FAM151A: variants seen among roughly 807,000 people sequenced by gnomAD.
FAM151A encodes the protein family with sequence similarity 151 member A, also known as protein FAM151A.
A neutral mutation model predicts 40.4 loss-of-function variants in FAM151A; 41 were observed. The observed-to-expected ratio is 1.01, with a 90% CI of 0.79 to 1.32. FAM151A has a LOEUF of 1.32. Ranked by LOEUF, FAM151A falls within the 40% of genes most tolerant of loss-of-function variation. The probability of loss-of-function intolerance (pLI) is 0.00; values close to 1 mark genes in which losing one functional copy is unlikely to be tolerated. For synonymous variants in FAM151A, 337 were observed against 312.5 expected (o/e 1.08, Z -0.83); for missense variants, 740 against 740.4 (o/e 1.00, Z 0.01).
In FAM151A at chr1:54,613,754, T is replaced by C. The variant is rs368094206; in HGVS notation, c.575+946A>G. On this transcript the variant is annotated intron_variant, in intron 4 of 7. Transcript: ENST00000302250. ...TAGCACTCCAGGAAGACAGGTCATATTTATCTTGGGCCATTGATTACATTT... is the reference window on the plus strand; with the variant it reads ...TAGCACTCCAGGAAGACAGGTCATACTTATCTTGGGCCATTGATTACATTT... 3.3e-5 allele frequency among the ~76,000 whole-genome samples: 5 copies of C among 152,312 alleles called. No individual in the cohort carries two copies. In the East Asian group the frequency reaches 5.8e-4, roughly 18 times the overall value.
intron 2 of FAM151A, among the ~76,000 whole-genome samples, chr1:54,616,899 T>C (rs1250437945): frequency 1.3e-5 from 2 of 152,156 alleles, no homozygotes; most frequent in East Asian, 3.9e-4. Flanking sequence ...TTGCTATTAG[T>C]CTTGCTATGT....
Position 54,620,845 on chromosome 1 carries a change from CAAAAAAAAA to C in FAM151A, c.119-847_119-839del, listed in dbSNP as rs767625864. Reference sequence around the variant, plus strand: ...CCTGGATGACACAAAGAGACTCTGTCAAAAAAAAAAAAAAAAAAAAAAAAAAAAAAAAGG... The same window carrying C: ...CCTGGATGACACAAAGAGACTCTGTCAAAAAAAAAAAAAAAAAAAAAAAGG... On this transcript the variant is annotated intron_variant, in intron 1 of 7. Coordinates refer to ENST00000302250, the MANE Select transcript of FAM151A (RefSeq NM_176782.3). Among the ~76,000 whole-genome samples, 62 of 12,122 alleles carry C rather than the reference CAAAAAAAAA, an allele frequency of 5.1e-3. 1 individual carries two copies. In the East Asian group the frequency reaches 0.085, roughly 17 times the overall value. The allele number at this position is 12,122 out of a possible 152,430, so 8.0% of individuals were successfully genotyped here. A position where few individuals can be genotyped will look rare whatever the true frequency, so the allele number is the denominator to read the frequency against.
rs1208526860 is a variant in FAM151A at position 54,614,937 on chromosome 1, C to T, written c.416-78G>A. ...ATGACTCCCTGGGCAGAAAGCAGAG[C>T]GGGTGTGTGTGTGTGTGCATGTGCG... On this transcript the variant is annotated intron_variant, in intron 3 of 7. Coordinates refer to ENST00000302250, the MANE Select transcript of FAM151A (RefSeq NM_176782.3). 44 of 1,029,104 alleles carry T rather than the reference C, an allele frequency of 4.3e-5. 1 individual carries two copies. The South Asian group carries it at 4.7e-4, about 11-fold the overall frequency. The allele number at this position is 1,029,104 out of a possible 1,614,324, so 63.7% of individuals were successfully genotyped here.
At chr1:54,620,701 G>A (rs12760859) in intron 1 of FAM151A, among the ~76,000 whole-genome samples, 5 of 145,790 alleles carry the variant, frequency 3.4e-5, no homozygotes, top group Admixed American at 1.4e-4. Flanking sequence ...AAAAATTAGC[G>A]GGATGGACGT....
intron 6 of FAM151A, 44 bp from the exon 7 acceptor site, chr1:54,610,599 A>G (rs2101013552): frequency 1.3e-6 from 2 of 1,594,852 alleles, no homozygotes; most frequent in Non-Finnish European, 1.7e-6. Flanking sequence ...TGCCATTCAC[A>G]GAACACCTTA....
chr1:54,619,353 A>G (rs554079711), intron 2 of FAM151A, among the ~76,000 whole-genome samples: 6 of 152,294 alleles, frequency 3.9e-5, no homozygotes, highest in South Asian at 4.1e-4. Context: ...CTGGGCTCCA[A>G]TGTTGGCTTA....
At chr1:54,613,160 AC>A (rs1410868221) in intron 4 of FAM151A, among the ~76,000 whole-genome samples, 1 of 151,696 alleles carries the variant, frequency 6.6e-6, no homozygotes, top group Non-Finnish European at 1.5e-5. Flanking sequence ...CAGGTGAATC[AC>A]CTGAGGTTGG....
At position 54,609,961 on chromosome 1, in the gene FAM151A, C is replaced by G; in HGVS notation, c.1085-20G>C. The stretch of plus-strand genomic sequence containing the variant: ...CTGTGTCTGGAAGAGGCGGCAGAGG[C>G]AACAGTGTTTAGGATTTGGGTTATC... On this transcript the variant is annotated intron_variant, in intron 7 of 7. Coordinates refer to ENST00000302250, the MANE Select transcript of FAM151A (RefSeq NM_176782.3). 1 of 1,592,618 alleles carries G rather than the reference C, an allele frequency of 6.3e-7. No homozygotes were observed. The highest frequency in any genetic ancestry group is 8.5e-7 in the Non-Finnish European group (1 of 1,174,308).
At chr1:54,623,163 GC>G in intron 1 of FAM151A, 114 bp downstream of exon 1, 4 of 708,492 alleles carry the variant, frequency 5.6e-6, no homozygotes, top group Non-Finnish European at 9.6e-6. Context: ...GGCAACAAGA[GC>G]AAAACTCCGT....
chr1:54,610,982 C>A, intron 6 of FAM151A: 1 of 985,322 alleles, frequency 1.0e-6, no homozygotes. Flanking sequence ...ATTAGAGTAA[C>A]CAGCAGTGGA....
In FAM151A at chr1:54,609,182, G is replaced by A. The variant is rs1186663342; in HGVS notation, c.*86C>T. 1 of 1,604,456 alleles carries A rather than the reference G, an allele frequency of 6.2e-7. No homozygotes were observed. Among genetic ancestry groups the A allele is most frequent in the Non-Finnish European group, 8.5e-7 (1 of 1,174,800 alleles). On this transcript the variant is annotated 3_prime_UTR_variant, in exon 8 of 8. Transcript: ENST00000302250. ...CCCCAAGGACTCACATACAGTGCCTGGAGAAAGCCAAAGACCTTTATTTCT... is the reference window on the plus strand; with the variant it reads ...CCCCAAGGACTCACATACAGTGCCTAGAGAAAGCCAAAGACCTTTATTTCT...
chr1:54,618,639 T>C (rs916718762), intron 2 of FAM151A, among the ~76,000 whole-genome samples: 2 of 152,244 alleles, frequency 1.3e-5, no homozygotes, highest in African/African-American at 4.8e-5. Flanking sequence ...AGGATTTGTT[T>C]CCTGTGGCCA....
In FAM151A at chr1:54,619,017, T is replaced by G. The variant is rs372500004; in HGVS notation, c.262+847A>C. Among the ~76,000 whole-genome samples the G allele has an allele frequency of 2.6e-5, 4 of 152,202 alleles. No individual in the cohort carries two copies. In the East Asian group the frequency reaches 7.7e-4, roughly 29 times the overall value. On this transcript the variant is annotated intron_variant, in intron 2 of 7. Transcript: ENST00000302250. ...ATTAATAATGACCTCAAAAGAGCCC[T>G]GCTTTGGTTGATTTGGTCATTCTAC...
chr1:54,610,905 G>A (rs1644110876), intron 6 of FAM151A: 1 of 985,308 alleles, frequency 1.0e-6, no homozygotes, highest in Admixed American at 6.2e-5. Context: ...TCGGGGTCAA[G>A]GGAATGAGGG....
intron 5 of FAM151A, among the ~76,000 whole-genome samples, chr1:54,611,981 T>G (rs1644123256): frequency 6.6e-6 from 1 of 151,560 alleles, no homozygotes; most frequent in Admixed American, 6.6e-5. Flanking sequence ...TGCTGCCTCC[T>G]CACTTGCAGT....
Position 54,609,830 on chromosome 1 carries a change from A to C in FAM151A, c.1196T>G (p.Leu399Arg). The C allele has an allele frequency of 6.2e-7, 1 of 1,614,198 alleles. No individual in the cohort carries two copies. Among genetic ancestry groups the C allele is most frequent in the South Asian group, 1.1e-5 (1 of 91,090 alleles). Reference protein sequence around the residue: ...SGNILTLESCLQQLATHPGHW... With the variant: ...SGNILTLESCRQQLATHPGHW... ...TCCGGGATGTGTGGCCAGCTGCTGC[A>C]GGCAGGACTCCAGCGTCAGGATGTT... Residue 399 changes from leucine to arginine, a missense_variant, in exon 8 of 8, where the codon CTG becomes CGG. Transcript: ENST00000302250.
In FAM151A at chr1:54,612,585, A is replaced by G; in HGVS notation, c.701T>C (p.Leu234Pro). ...GACCCTCTGGGGCACTCCTCCCACC[A>G]GCTCGTGCATCTTCTCCACCATGGC... ...TQAMVEKMHE[L>P]VGGVPQRVTF... Residue 234 changes from leucine to proline, a missense_variant, in exon 5 of 8, where the codon CTG becomes CCG. Coordinates refer to ENST00000302250, the MANE Select transcript of FAM151A (RefSeq NM_176782.3). 1 of 1,614,080 alleles carries G rather than the reference A, an allele frequency of 6.2e-7. No homozygotes were observed. The highest frequency in any genetic ancestry group is 8.5e-7 in the Non-Finnish European group (1 of 1,179,998).
In FAM151A at chr1:54,610,511, T is replaced by A; in HGVS notation, c.985A>T (p.Ile329Phe). ...KPMYYTGGSL[I>F]PLLQLPGDDG... is the part of the protein sequence containing the mutation. The stretch of plus-strand genomic sequence containing the variant: ...TCCCCAGGCAGCTGGAGAAGAGGGA[T>A]CAGGCTGCCTCCCGTGTAGTACATT... The change falls in exon 7 of 8, where the codon ATC becomes TTC. Residue 329 changes from isoleucine (I) to phenylalanine (F), a missense_variant. Transcript: ENST00000302250. The A allele has an allele frequency of 6.2e-7, 1 of 1,613,588 alleles. No individual in the cohort carries two copies. The highest frequency in any genetic ancestry group is 1.1e-5 in the South Asian group (1 of 91,034).
intron 1 of FAM151A, 101 bp from the exon 2 acceptor site, chr1:54,620,108 G>C (rs1335127791): frequency 5.5e-6 from 7 of 1,277,846 alleles, no homozygotes; most frequent in African/African-American, 1.5e-5. Context: ...ACTGTGTCCA[G>C]TACCCCATCT....
Sources: gnomAD v4.1 joint callset for allele counts (sites outside exome capture counted in the v4.1 genomes callset) on GRCh38, gnomAD v4.1.1 for gene constraint, MANE v1.5 for transcripts, NCBI Gene and HGNC (gene_info 2026-07-23, HGNC 2026-07-21) for gene names.